The following SEMA5A variants were observed in gnomAD, a reference collection of about 807,000 sequenced individuals.
SEMA5A encodes semaphorin-5A.
Under a neutral mutation model 135.5 loss-of-function variants are expected in SEMA5A, and 55 were observed. The observed-to-expected ratio is 0.41, with a 90% CI of 0.33 to 0.51. The LOEUF is 0.51. Ranked by LOEUF, SEMA5A falls within the 20% of genes least tolerant of loss-of-function variation. SEMA5A has a pLI of 0.37. For synonymous variants in SEMA5A, 580 were observed against 546.5 expected (o/e 1.06, Z -0.85); for missense variants, 1,290 against 1,419.9 (o/e 0.91, Z 1.47).
chr5:9,145,507 T>TAGA (rs1238994445), intron 12 of SEMA5A, among the ~76,000 whole-genome samples: 1 of 152,200 alleles, frequency 6.6e-6, no homozygotes, highest in East Asian at 1.9e-4. Flanking sequence ...TGCTCGTATT[T>TAGA]AGAATAACTC....
chr5:9,420,650 G>C (rs1212791007), intron 2 of SEMA5A, among the ~76,000 whole-genome samples: 1 of 152,128 alleles, frequency 6.6e-6, no homozygotes, highest in South Asian at 2.1e-4. Flanking sequence ...GAGCCCTTTA[G>C]ACAATAGGAA....
intron 12 of SEMA5A, among the ~76,000 whole-genome samples, chr5:9,143,088 T>G (rs957903601): frequency 9.9e-5 from 15 of 152,238 alleles, no homozygotes; most frequent in African/African-American, 3.6e-4. Context: ...TTCATTGTTT[T>G]CCTCTTCTGC....
Position 9,455,422 on chromosome 5 carries a change from A to T in SEMA5A, c.-174-17570T>A, listed in dbSNP as rs1003680807. 3.3e-5 allele frequency among the ~76,000 whole-genome samples: 5 copies of T among 151,550 alleles called. No homozygotes were observed. In the East Asian group the frequency reaches 5.8e-4, roughly 18 times the overall value. On this transcript the variant is annotated intron_variant, in intron 1 of 22. Transcript: ENST00000382496. ...AGTCACTCGCCACCATGCCCAGCTA[A>T]TTTTTTTGTATTTTTAGTAGAGACG...
rs16881947 is a variant in SEMA5A at position 9,082,914 on chromosome 5, A to G, written c.2074-16268T>C. Among the ~76,000 whole-genome samples, 1,289 of 152,338 alleles carry G rather than the reference A, an allele frequency of 8.5e-3. 25 individuals carry two copies. Among genetic ancestry groups the G allele is most frequent in the African/African-American group, 0.03 (1,242 of 41,578 alleles). ...TAAGTTTCAATTTAACTTGCATCCA[A>G]GTTTCTAGGGGTATCATTTTACTCC... On this transcript the variant is annotated intron_variant, in intron 16 of 22. Coordinates refer to ENST00000382496, the MANE Select transcript of SEMA5A (RefSeq NM_003966.3).
At chr5:9,413,546 G>A (rs1379721258) in intron 2 of SEMA5A, among the ~76,000 whole-genome samples, 3 of 152,152 alleles carry the variant, frequency 2.0e-5, no homozygotes, top group South Asian at 2.1e-4. Flanking sequence ...AAGACCTTAC[G>A]CCTTAAAATA....
At chr5:9,412,268 T>C (rs1432783439) in intron 2 of SEMA5A, among the ~76,000 whole-genome samples, 1 of 151,558 alleles carries the variant, frequency 6.6e-6, no homozygotes, top group Admixed American at 6.6e-5. Flanking sequence ...CCTTTCTACC[T>C]CCCCCTTCTG....
intron 2 of SEMA5A, among the ~76,000 whole-genome samples, chr5:9,436,613 A>G (rs554690966): frequency 1.2e-4 from 18 of 152,216 alleles, no homozygotes; most frequent in Non-Finnish European, 1.9e-4. Flanking sequence ...ATCTAAAATC[A>G]GCAAAGTGTT....
At position 9,224,528 on chromosome 5, in the gene SEMA5A, A is replaced by G. The variant is rs1747184543; in HGVS notation, c.646+146T>C. ...ATAGCCATATGATATCCTGTTTATC[A>G]TTAGTCCTGAACAAGCGACACTTTG... is the stretch of plus-strand genomic sequence containing the variant. On this transcript the variant is annotated intron_variant, in intron 8 of 22. Transcript: ENST00000382496. 4.1e-5 allele frequency: 29 copies of G among 700,322 alleles called. No homozygotes were observed. The South Asian group carries it at 5.0e-4, about 12-fold the overall frequency. 43.4% of individuals were successfully genotyped at this position (700,322 alleles called of 1,614,324 possible).
intron 5 of SEMA5A, among the ~76,000 whole-genome samples, chr5:9,257,928 GC>G (rs758114819): frequency 2.0e-5 from 3 of 152,160 alleles, no homozygotes; most frequent in Non-Finnish European, 4.4e-5. Context: ...CAAGTAAAGG[GC>G]AAGGAGGGTG....
At chr5:9,327,912 G>GA (rs938459512) in intron 4 of SEMA5A, among the ~76,000 whole-genome samples, 75 of 151,524 alleles carry the variant, frequency 4.9e-4, no homozygotes, top group African/African-American at 1.3e-3. Flanking sequence ...TTTTTCATTT[G>GA]AAAAAAAATG....
At chr5:9,240,578 A>G (rs948762934) in intron 5 of SEMA5A, among the ~76,000 whole-genome samples, 1 of 151,830 alleles carries the variant, frequency 6.6e-6, no homozygotes, top group Non-Finnish European at 1.5e-5. Context: ...AAAATCCATC[A>G]GAGACAAATA....
chr5:9,137,007 G>A (rs1165454318), intron 12 of SEMA5A, among the ~76,000 whole-genome samples: 3 of 152,120 alleles, frequency 2.0e-5, no homozygotes, highest in Non-Finnish European at 1.5e-5. Context: ...TGTATTATTT[G>A]TTTAACACCT....
At chr5:9,275,250 T>C (rs1169710912) in intron 5 of SEMA5A, among the ~76,000 whole-genome samples, 1 of 151,538 alleles carries the variant, frequency 6.6e-6, no homozygotes, top group Non-Finnish European at 1.5e-5. Context: ...GAAAAGTTCC[T>C]GGACACATAC....
intron 13 of SEMA5A, 145 bp downstream of exon 13, chr5:9,136,359 T>G: frequency 1.6e-6 from 1 of 632,878 alleles, no homozygotes; most frequent in African/African-American, 1.8e-5. Flanking sequence ...AAGAGCTGAG[T>G]GATCTGAGAG....
At chr5:9,345,334 C>A (rs1251578371) in intron 3 of SEMA5A, among the ~76,000 whole-genome samples, 1 of 152,092 alleles carries the variant, frequency 6.6e-6, no homozygotes, top group Non-Finnish European at 1.5e-5. Flanking sequence ...ACATGGGAGT[C>A]CCTTCCAGAC....
chr5:9,152,037 C>T (rs1742660126), intron 12 of SEMA5A, among the ~76,000 whole-genome samples: 1 of 152,212 alleles, frequency 6.6e-6, no homozygotes, highest in African/African-American at 2.4e-5. Flanking sequence ...CCTCTCATCA[C>T]TGATCTGATG....
intron 5 of SEMA5A, among the ~76,000 whole-genome samples, chr5:9,263,779 A>T (rs1315743546): frequency 6.6e-6 from 1 of 152,194 alleles, no homozygotes; most frequent in East Asian, 1.9e-4. Context: ...TTAGAGTTTA[A>T]CCACATGAGC....
chr5:9,182,151 C>T (rs1327295004), intron 11 of SEMA5A, among the ~76,000 whole-genome samples: 6 of 125,758 alleles, frequency 4.8e-5, no homozygotes, highest in Admixed American at 7.6e-5. Flanking sequence ...TTGCTTCTGC[C>T]CCCCACCCCA....
chr5:9,324,995 A>T (rs558160145), intron 4 of SEMA5A, among the ~76,000 whole-genome samples: 2 of 152,326 alleles, frequency 1.3e-5, no homozygotes, highest in Admixed American at 1.3e-4. Context: ...ACACCCCTAG[A>T]TGTAAATAGG....
Sources: gnomAD v4.1 joint callset for allele counts (sites outside exome capture counted in the v4.1 genomes callset) on GRCh38, gnomAD v4.1.1 for gene constraint, MANE v1.5 for transcripts, NCBI Gene and HGNC (gene_info 2026-07-23, HGNC 2026-07-21) for gene names.